The following ARL3 variants were observed in gnomAD, a reference collection of about 807,000 sequenced individuals.
ARL3 encodes ADP-ribosylation factor-like protein 3.
Under a neutral mutation model 26.0 loss-of-function variants are expected in ARL3, and 9 were observed. That is an observed-to-expected ratio of 0.35 (90% confidence interval 0.21 to 0.60). The LOEUF (loss-of-function observed/expected upper bound fraction) is 0.60. Among genes scored for constraint, ARL3 ranks in the 20% least tolerant of loss-of-function variants. ARL3 has a pLI of 0.78. For missense variants in ARL3, 158 were observed against 215.7 expected, an observed-to-expected ratio of 0.73 and a Z score of 1.67; for synonymous variants, 71 against 78.4, an observed-to-expected ratio of 0.91 and a Z score of 0.50.
intron 3 of ARL3, among the ~76,000 whole-genome samples, chr10:102,692,134 G>T (rs1367465899): frequency 6.6e-6 from 1 of 152,212 alleles, no homozygotes; most frequent in African/African-American, 2.4e-5. Flanking sequence ...GTGGAATCCA[G>T]GGTTACATTA....
chr10:102,686,798 T>C, intron 4 of ARL3, among the ~76,000 whole-genome samples: 1 of 150,670 alleles, frequency 6.6e-6, no homozygotes. Flanking sequence ...AAGATTCCCC[T>C]GGCAGATTCC....
intron 2 of ARL3, among the ~76,000 whole-genome samples, chr10:102,702,475 C>A (rs990929809): frequency 6.6e-6 from 1 of 151,892 alleles, no homozygotes; most frequent in African/African-American, 2.4e-5. Context: ...GAATATGAAA[C>A]CTTGACACAA....
chr10:102,688,429 C>T (rs2135999545), intron 4 of ARL3, among the ~76,000 whole-genome samples: 2 of 152,142 alleles, frequency 1.3e-5, no homozygotes, highest in South Asian at 4.1e-4. Context: ...AGAACTGCTA[C>T]CTTTGGAAGG....
chr10:102,694,279 G>A (rs1030126461), intron 3 of ARL3, among the ~76,000 whole-genome samples: 91 of 152,154 alleles, frequency 6.0e-4, no homozygotes, highest in Non-Finnish European at 2.2e-4. Flanking sequence ...ATGAGCCACC[G>A]CGCCCGGCTG....
Position 102,708,908 on chromosome 10 carries a change from A to ATATATAT in ARL3, c.4-3420_4-3419insATATATA. ...ATATTATATATATATATATATATAT[A>ATATATAT]TTTTTTTTTTTTTTGAGACAAGGTC... is the stretch of plus-strand genomic sequence containing the variant. On this transcript the variant is annotated intron_variant, in intron 1 of 5. Coordinates refer to ENST00000260746, the MANE Select transcript of ARL3 (RefSeq NM_004311.4). Among the ~76,000 whole-genome samples the ATATATAT allele has an allele frequency of 7.9e-4, 75 of 95,322 alleles. 1 individual carries two copies. Among genetic ancestry groups the ATATATAT allele is most frequent in the Non-Finnish European group, 1.2e-3 (60 of 50,404 alleles). 62.5% of individuals were successfully genotyped at this position (95,322 alleles called of 152,430 possible).
chr10:102,690,491 G>A (rs1236421576), intron 3 of ARL3, among the ~76,000 whole-genome samples: 10 of 151,610 alleles, frequency 6.6e-5, no homozygotes, highest in Non-Finnish European at 1.3e-4. Context: ...TCACCATGTC[G>A]GCCAGGCTGG....
intron 3 of ARL3, among the ~76,000 whole-genome samples, chr10:102,690,774 A>C (rs2064212879): frequency 6.6e-6 from 1 of 151,918 alleles, no homozygotes; most frequent in Non-Finnish European, 1.5e-5. Context: ...TTCAAGTTTT[A>C]TTTCTTAGAC....
intron 5 of ARL3, among the ~76,000 whole-genome samples, chr10:102,681,110 A>G (rs1295679319): frequency 6.6e-6 from 1 of 152,158 alleles, no homozygotes; most frequent in Non-Finnish European, 1.5e-5. Context: ...ATATCAGGCC[A>G]GGCGTGGTGG....
chr10:102,687,756 G>A (rs1426532430), intron 4 of ARL3, among the ~76,000 whole-genome samples: 2 of 152,036 alleles, frequency 1.3e-5, no homozygotes, highest in Admixed American at 1.3e-4. Context: ...TGAACTCCTG[G>A]GCTCAAGGGA....
At chr10:102,700,444 T>C (rs540041106) in intron 2 of ARL3, among the ~76,000 whole-genome samples, 12 of 145,270 alleles carry the variant, frequency 8.3e-5, no homozygotes, top group Non-Finnish European at 1.2e-4. Context: ...GGAACTATGA[T>C]GAACTTGAAC....
intron 3 of ARL3, among the ~76,000 whole-genome samples, chr10:102,692,190 G>A (rs1361011303): frequency 6.6e-6 from 1 of 152,192 alleles, no homozygotes. Flanking sequence ...TAGAGCTTAT[G>A]ATTTAAAATT....
intron 4 of ARL3, among the ~76,000 whole-genome samples, chr10:102,688,588 G>A (rs1175733654): frequency 2.7e-5 from 4 of 147,060 alleles, no homozygotes; most frequent in Non-Finnish European, 5.9e-5. Context: ...TGCAACCTCT[G>A]CAGTGGGTTC....
chr10:102,685,249 C>CAAAAAA (rs66482677), intron 5 of ARL3, among the ~76,000 whole-genome samples: 12 of 105,418 alleles, frequency 1.1e-4, no homozygotes, highest in Admixed American at 3.2e-4. Flanking sequence ...AACTCCGTCT[C>CAAAAAA]AAAAAAAAAA....
chr10:102,700,190 C>G (rs554889792), intron 2 of ARL3, among the ~76,000 whole-genome samples: 15 of 152,080 alleles, frequency 9.9e-5, no homozygotes, highest in Non-Finnish European at 2.1e-4. Flanking sequence ...GCGGATGGAT[C>G]AGGAGGTCAG....
chr10:102,696,996 G>A (rs2064251921), intron 3 of ARL3, among the ~76,000 whole-genome samples: 2 of 152,100 alleles, frequency 1.3e-5, no homozygotes, highest in South Asian at 4.2e-4. Context: ...ATGGTCTACT[G>A]CACACCTAGG....
At chr10:102,690,514 G>A (rs2064211376) in intron 3 of ARL3, among the ~76,000 whole-genome samples, 2 of 152,156 alleles carry the variant, frequency 1.3e-5, no homozygotes, top group South Asian at 4.1e-4. Context: ...TCGAACTCCT[G>A]ACCTCAAGTG....
At chr10:102,689,987 A>G (rs2064208350) in intron 3 of ARL3, 44 bp from the exon 4 acceptor site, 2 of 1,366,728 alleles carry the variant, frequency 1.5e-6, no homozygotes, top group Admixed American at 2.1e-5. Context: ...GCAGAGATGG[A>G]AAAGACAGGG....
At chr10:102,691,139 T>C (rs2064215186) in intron 3 of ARL3, among the ~76,000 whole-genome samples, 1 of 152,188 alleles carries the variant, frequency 6.6e-6, no homozygotes. Context: ...CTTTTTATTA[T>C]ACTTTAAGTT....
chr10:102,680,419 C>G (rs959663143), intron 5 of ARL3, among the ~76,000 whole-genome samples: 2 of 152,090 alleles, frequency 1.3e-5, no homozygotes, highest in Non-Finnish European at 2.9e-5. Flanking sequence ...ATAACAGAGA[C>G]TAAAGAGAGA....
Sources: allele counts gnomAD v4.1 joint callset (sites outside exome capture counted in the v4.1 genomes callset), GRCh38; gene constraint gnomAD v4.1.1; transcripts MANE v1.5; gene names NCBI Gene and HGNC (gene_info 2026-07-23, HGNC 2026-07-21).